CDH12: variants seen among roughly 807,000 people sequenced by gnomAD.
The protein encoded by CDH12 is cadherin 12, also known as cadherin-12.
A neutral mutation model predicts 74.1 loss-of-function variants in CDH12; 41 were observed. The observed-to-expected ratio is 0.55, with a 90% CI of 0.43 to 0.72. The LOEUF is 0.72. CDH12 is among the 30% of genes least tolerant of loss of function. CDH12 has a pLI of 0.00. For synonymous variants in CDH12, 399 were observed against 355.0 expected (o/e 1.12, Z -1.39); for missense variants, 945 against 977.2 (o/e 0.97, Z 0.44).
At chr5:22,669,505 C>T (rs1408471929) in intron 1 of CDH12, among the ~76,000 whole-genome samples, 2 of 152,156 alleles carry the variant, frequency 1.3e-5, no homozygotes, top group Non-Finnish European at 2.9e-5. Flanking sequence ...CAAAAGGCTA[C>T]GTTTCCTGGC....
At chr5:22,545,967 G>A (rs1422879684) in intron 1 of CDH12, among the ~76,000 whole-genome samples, 2 of 151,906 alleles carry the variant, frequency 1.3e-5, no homozygotes, top group East Asian at 3.9e-4. Flanking sequence ...CTTTTGAGAT[G>A]GAGTCTCGCA....
chr5:22,482,393 A>G (rs1250772656), intron 2 of CDH12, among the ~76,000 whole-genome samples: 1 of 152,172 alleles, frequency 6.6e-6, no homozygotes, highest in Admixed American at 6.6e-5. Context: ...ATTTATTATC[A>G]AGAAAAAAAT....
intron 1 of CDH12, among the ~76,000 whole-genome samples, chr5:22,814,135 T>C (rs1453668291): frequency 6.6e-6 from 1 of 152,156 alleles, no homozygotes; most frequent in Non-Finnish European, 1.5e-5. Flanking sequence ...AAATAAAGTA[T>C]ATCTGGAAAT....
At chr5:22,800,791 T>C (rs574668157) in intron 1 of CDH12, among the ~76,000 whole-genome samples, 1 of 151,944 alleles carries the variant, frequency 6.6e-6, no homozygotes, top group South Asian at 2.1e-4. Flanking sequence ...TTCTAAGTCA[T>C]ATAATATGTC....
chr5:22,696,463 G>T (rs1404370902), intron 1 of CDH12, among the ~76,000 whole-genome samples: 1 of 151,506 alleles, frequency 6.6e-6, no homozygotes, highest in Non-Finnish European at 1.5e-5. Flanking sequence ...TGTGAAAACA[G>T]AAATGTTCAA....
intron 10 of CDH12, among the ~76,000 whole-genome samples, chr5:21,792,577 T>G (rs1329475169): frequency 6.7e-6 from 1 of 148,868 alleles, no homozygotes; most frequent in African/African-American, 2.4e-5. Context: ...TTCCTCCAAG[T>G]TGCTTAAGCT....
chr5:22,246,609 G>A (rs1752954001), intron 3 of CDH12, among the ~76,000 whole-genome samples: 1 of 152,086 alleles, frequency 6.6e-6, no homozygotes, highest in South Asian at 2.1e-4. Flanking sequence ...AAATTCTAAA[G>A]ATTCAACATT....
intron 8 of CDH12, among the ~76,000 whole-genome samples, chr5:21,835,983 A>G (rs1749509484): frequency 6.6e-6 from 1 of 151,776 alleles, no homozygotes; most frequent in African/African-American, 2.4e-5. Context: ...ATATAGACAT[A>G]TATATGTGTA....
chr5:21,918,881 G>A (rs1038457184), intron 6 of CDH12, among the ~76,000 whole-genome samples: 11 of 152,018 alleles, frequency 7.2e-5, no homozygotes, highest in African/African-American at 2.4e-4. Flanking sequence ...TTTAATTCTT[G>A]TTATTTCCTT....
chr5:22,780,341 TTG>T (rs1747323868), intron 1 of CDH12, among the ~76,000 whole-genome samples: 1 of 152,138 alleles, frequency 6.6e-6, no homozygotes, highest in Non-Finnish European at 1.5e-5. Flanking sequence ...CAGTGAGCTA[TTG>T]TGTTAGTCCA....
intron 4 of CDH12, among the ~76,000 whole-genome samples, chr5:22,116,091 CT>C (rs1745083006): frequency 6.6e-6 from 1 of 152,096 alleles, no homozygotes; most frequent in Admixed American, 6.5e-5. Flanking sequence ...AACTAGTTAA[CT>C]TTAAAAAAGG....
chr5:22,620,223 C>A (rs1439114372), intron 1 of CDH12, among the ~76,000 whole-genome samples: 1 of 151,904 alleles, frequency 6.6e-6, no homozygotes, highest in Non-Finnish European at 1.5e-5. Context: ...ATGGCCACTC[C>A]ACATGAAATT....
intron 3 of CDH12, among the ~76,000 whole-genome samples, chr5:22,292,158 T>A (rs1737415053): frequency 6.6e-6 from 1 of 152,032 alleles, no homozygotes; most frequent in African/African-American, 2.4e-5. Context: ...TTTAGAAGAA[T>A]GAAATTAAAC....
At chr5:22,226,997 CCAGTTTTTAAGATAATA>C (rs1432559515) in intron 3 of CDH12, among the ~76,000 whole-genome samples, 3 of 151,892 alleles carry the variant, frequency 2.0e-5, no homozygotes, top group African/African-American at 4.8e-5. Context: ...TAGAGTACTC[CCAGTTTTTAAGATAATA>C]TTCATAGATG....
chr5:22,465,065 A>G (rs1353720037), intron 2 of CDH12, among the ~76,000 whole-genome samples: 1 of 148,400 alleles, frequency 6.7e-6, no homozygotes, highest in Non-Finnish European at 1.5e-5. Context: ...AGGGGGGGAA[A>G]GAGAGAGAGA....
intron 1 of CDH12, among the ~76,000 whole-genome samples, chr5:22,784,227 G>C (rs1186940660): frequency 2.6e-5 from 4 of 151,608 alleles, no homozygotes; most frequent in Admixed American, 2.0e-4. Flanking sequence ...TCATCTTCCT[G>C]TACAAATAAT....
intron 1 of CDH12, among the ~76,000 whole-genome samples, chr5:22,517,082 A>T (rs969779356): frequency 1.3e-5 from 2 of 152,080 alleles, no homozygotes; most frequent in Non-Finnish European, 2.9e-5. Context: ...CAGTAGGAGA[A>T]TATAATATAC....
chr5:21,763,405 A>G (rs1744835879), intron 12 of CDH12, among the ~76,000 whole-genome samples: 1 of 152,228 alleles, frequency 6.6e-6, no homozygotes, highest in Non-Finnish European at 1.5e-5. Context: ...GTTTAGAACT[A>G]TGGGACAAAG....
At chr5:22,507,128 C>G (rs1271221239) in intron 1 of CDH12, among the ~76,000 whole-genome samples, 1 of 152,020 alleles carries the variant, frequency 6.6e-6, no homozygotes, top group Admixed American at 6.6e-5. Flanking sequence ...AGAAAAGCAG[C>G]TTTTAATACC....
Sources: allele counts gnomAD v4.1 joint callset (sites outside exome capture counted in the v4.1 genomes callset), GRCh38; gene constraint gnomAD v4.1.1; transcripts MANE v1.5; gene names NCBI Gene and HGNC (gene_info 2026-07-23, HGNC 2026-07-21).